TRPS1: variants seen among roughly 807,000 people sequenced by gnomAD.
The protein encoded by TRPS1 is transcriptional repressor GATA binding 1.
In TRPS1, 6 loss-of-function variants were observed where a neutral mutation model predicts 101.2. The ratio of observed to expected loss-of-function variants is 0.06; its 90% confidence interval spans 0.03 to 0.12. The LOEUF (loss-of-function observed/expected upper bound fraction) is 0.12. Ranked by LOEUF, TRPS1 falls within the 10% of genes least tolerant of loss-of-function variation. TRPS1 has a pLI of 1.00. For missense variants in TRPS1, 1,363 were observed against 1,567.0 expected, an observed-to-expected ratio of 0.87 and a Z score of 2.20; for synonymous variants, 578 against 589.8, an observed-to-expected ratio of 0.98 and a Z score of 0.29.
chr8:115,537,947 T>C (rs1164850932), intron 5 of TRPS1, among the ~76,000 whole-genome samples: 5 of 152,172 alleles, frequency 3.3e-5, no homozygotes, highest in Non-Finnish European at 7.4e-5. Flanking sequence ...AACCACAAGA[T>C]ACATCACTGT....
At chr8:115,534,318 G>A (rs549446912) in intron 5 of TRPS1, among the ~76,000 whole-genome samples, 15 of 85,940 alleles carry the variant, frequency 1.7e-4, no homozygotes, top group Non-Finnish European at 1.5e-4. Context: ...AGCTCTAACC[G>A]CAGTACCATC....
At chr8:115,505,510 TCTTCTGTAA>T (rs1308215879) in intron 5 of TRPS1, among the ~76,000 whole-genome samples, 5 of 152,162 alleles carry the variant, frequency 3.3e-5, no homozygotes, top group Admixed American at 6.5e-5. Flanking sequence ...TGATAGTGTA[TCTTCTGTAA>T]CAGGTGTTAC....
chr8:115,602,316 C>A (rs2737207), intron 4 of TRPS1, among the ~76,000 whole-genome samples: 105,414 of 152,088 alleles, frequency 0.69, 38,056 homozygotes, highest in African/African-American at 0.89. Context: ...TCACTCAACA[C>A]ATGTACATGC....
intron 5 of TRPS1, among the ~76,000 whole-genome samples, chr8:115,423,897 A>G (rs1480172258): frequency 6.6e-6 from 1 of 152,206 alleles, no homozygotes; most frequent in Non-Finnish European, 1.5e-5. Context: ...AGCCAAATAT[A>G]AAAATTTTAA....
At chr8:115,584,492 G>A (rs1259913495) in intron 5 of TRPS1, among the ~76,000 whole-genome samples, 1 of 151,820 alleles carries the variant, frequency 6.6e-6, no homozygotes, top group African/African-American at 2.4e-5. Flanking sequence ...TTCAAAACAT[G>A]TAAATTATAT....
At chr8:115,592,218 T>C (rs1817693656) in intron 4 of TRPS1, among the ~76,000 whole-genome samples, 1 of 152,192 alleles carries the variant, frequency 6.6e-6, no homozygotes, top group African/African-American at 2.4e-5. Flanking sequence ...CAGAATATCC[T>C]GGGCATAATC....
chr8:115,641,310 G>A (rs574988724), intron 1 of TRPS1, among the ~76,000 whole-genome samples: 38 of 152,218 alleles, frequency 2.5e-4, no homozygotes, highest in Admixed American at 9.2e-4. Context: ...AGAAACTGCC[G>A]CATTGTTTCT....
chr8:115,419,936 G>C (rs1399679496), intron 5 of TRPS1, among the ~76,000 whole-genome samples: 1 of 152,160 alleles, frequency 6.6e-6, no homozygotes, highest in Non-Finnish European at 1.5e-5. Flanking sequence ...GAAACGTAAA[G>C]AAATGAGGGC....
chr8:115,546,820 C>G (rs1370633389), intron 5 of TRPS1, among the ~76,000 whole-genome samples: 1 of 152,138 alleles, frequency 6.6e-6, no homozygotes. Flanking sequence ...TACTTTTTAA[C>G]ACAGAGCAGA....
chr8:115,472,353 C>T (rs1040332793), intron 5 of TRPS1, among the ~76,000 whole-genome samples: 1 of 152,194 alleles, frequency 6.6e-6, no homozygotes, highest in Non-Finnish European at 1.5e-5. Context: ...CTAAGTTGGC[C>T]CCTTTAAGCC....
intron 5 of TRPS1, among the ~76,000 whole-genome samples, chr8:115,562,368 G>GAA (rs1309882118): frequency 6.6e-6 from 1 of 151,698 alleles, no homozygotes; most frequent in Non-Finnish European, 1.5e-5. Flanking sequence ...ATATTTTAAA[G>GAA]AAGTTGTTTA....
intron 1 of TRPS1, among the ~76,000 whole-genome samples, chr8:115,631,791 TC>T (rs1423341565): frequency 6.6e-6 from 1 of 152,068 alleles, no homozygotes; most frequent in African/African-American, 2.4e-5. Context: ...GCTAAAGTTG[TC>T]TCAACAACAT....
intron 5 of TRPS1, among the ~76,000 whole-genome samples, chr8:115,460,465 G>A (rs1459000156): frequency 6.6e-6 from 1 of 151,182 alleles, no homozygotes; most frequent in Admixed American, 6.6e-5. Flanking sequence ...TATAATCTTG[G>A]GATTTATAAA....
intron 5 of TRPS1, among the ~76,000 whole-genome samples, chr8:115,494,453 C>T (rs1163069354): frequency 3.3e-5 from 5 of 152,122 alleles, no homozygotes; most frequent in African/African-American, 4.8e-5. Flanking sequence ...GGCAATGTAG[C>T]AACAAAAAGA....
intron 5 of TRPS1, among the ~76,000 whole-genome samples, chr8:115,470,604 A>T (rs913018941): frequency 2.0e-5 from 3 of 152,190 alleles, no homozygotes; most frequent in Non-Finnish European, 2.9e-5. Flanking sequence ...TTAAAGGCTA[A>T]TCATTTAAGG....
At chr8:115,561,338 T>A (rs926820971) in intron 5 of TRPS1, among the ~76,000 whole-genome samples, 1 of 152,070 alleles carries the variant, frequency 6.6e-6, no homozygotes, top group Admixed American at 6.6e-5. Context: ...AAGGCAGCCA[T>A]GAGCTACTTC....
At chr8:115,507,025 C>CT (rs1178927507) in intron 5 of TRPS1, among the ~76,000 whole-genome samples, 28 of 152,024 alleles carry the variant, frequency 1.8e-4, no homozygotes, top group Non-Finnish European at 2.4e-4. Context: ...TTTTATCTCC[C>CT]TTACAGTAAG....
At chr8:115,497,831 C>A (rs1383593000) in intron 5 of TRPS1, among the ~76,000 whole-genome samples, 1 of 152,104 alleles carries the variant, frequency 6.6e-6, no homozygotes, top group Non-Finnish European at 1.5e-5. Flanking sequence ...TGATTGTGGG[C>A]ATATACCAAT....
At chr8:115,521,235 C>T (rs548776979) in intron 5 of TRPS1, among the ~76,000 whole-genome samples, 5 of 151,870 alleles carry the variant, frequency 3.3e-5, no homozygotes, top group African/African-American at 7.2e-5. Context: ...TAGTTGGTGA[C>T]GGCAATGATA....
Sources: allele counts gnomAD v4.1 joint callset (sites outside exome capture counted in the v4.1 genomes callset), GRCh38; gene constraint gnomAD v4.1.1; transcripts MANE v1.5; gene names NCBI Gene and HGNC (gene_info 2026-07-23, HGNC 2026-07-21).